Variants in CDK14 observed in about 807,000 individuals in gnomAD.
The protein encoded by CDK14 is cyclin dependent kinase 14, also known as cyclin-dependent kinase 14.
Under a neutral mutation model 60.7 loss-of-function variants are expected in CDK14, and 34 were observed. That is an observed-to-expected ratio of 0.56 (90% CI 0.43 to 0.75). The LOEUF is 0.75. Ranked by LOEUF, CDK14 falls within the 30% of genes least tolerant of loss-of-function variation. CDK14 has a pLI of 0.00. For synonymous variants in CDK14, 197 were observed against 203.7 expected (o/e 0.97, Z 0.28); for missense variants, 482 against 564.1 (o/e 0.85, Z 1.47).
intron 14 of CDK14, among the ~76,000 whole-genome samples, chr7:91,151,568 A>G (rs1439106775): frequency 6.6e-6 from 1 of 152,120 alleles, no homozygotes; most frequent in African/African-American, 2.4e-5. Context: ...TGATTTCTTA[A>G]CAATGCTATT....
At chr7:90,806,245 C>G (rs1399607338) in intron 5 of CDK14, among the ~76,000 whole-genome samples, 4 of 151,982 alleles carry the variant, frequency 2.6e-5, no homozygotes, top group Non-Finnish European at 5.9e-5. Context: ...ATAGATATGA[C>G]AGCAAAAACG....
chr7:90,955,229 GA>G (rs1258537883), intron 8 of CDK14, among the ~76,000 whole-genome samples: 2 of 152,092 alleles, frequency 1.3e-5, no homozygotes, highest in East Asian at 3.9e-4. Context: ...ATTCTTTGGG[GA>G]AAGTATTATA....
chr7:90,671,289 CTTTTTT>C (rs201022256), intron 2 of CDK14, among the ~76,000 whole-genome samples: 1 of 147,288 alleles, frequency 6.8e-6, no homozygotes. Context: ...CAGGAGATGA[CTTTTTT>C]TTTTTTCTTT....
At chr7:91,113,349 T>C (rs1275334915) in intron 13 of CDK14, among the ~76,000 whole-genome samples, 1 of 152,254 alleles carries the variant, frequency 6.6e-6, no homozygotes, top group Non-Finnish European at 1.5e-5. Context: ...TTAAAACACA[T>C]TCCTGGGTGG....
At chr7:91,082,785 A>T (rs915612410) in intron 12 of CDK14, among the ~76,000 whole-genome samples, 1 of 152,216 alleles carries the variant, frequency 6.6e-6, no homozygotes, top group Non-Finnish European at 1.5e-5. Context: ...TTAAAATAAT[A>T]TTCGGAGGAA....
chr7:90,772,483 G>A (rs958408901), intron 4 of CDK14, among the ~76,000 whole-genome samples: 11 of 152,164 alleles, frequency 7.2e-5, no homozygotes, highest in Non-Finnish European at 7.3e-5. Flanking sequence ...CTTGTGGGAG[G>A]CGATTGGATC....
At chr7:90,709,932 A>G (rs1390716828) in intron 2 of CDK14, 1 of 1,141,360 alleles carries the variant, frequency 8.8e-7, no homozygotes, top group African/African-American at 1.6e-5. Flanking sequence ...AGGTGAATCA[A>G]GCCTGAGGGA....
At chr7:91,074,265 G>A (rs1798233145) in intron 11 of CDK14, among the ~76,000 whole-genome samples, 1 of 152,142 alleles carries the variant, frequency 6.6e-6, no homozygotes, top group Non-Finnish European at 1.5e-5. Flanking sequence ...TCACTCCTCA[G>A]CAAATGCAAA....
At chr7:91,200,732 G>A (rs191108375) in intron 14 of CDK14, among the ~76,000 whole-genome samples, 19 of 152,170 alleles carry the variant, frequency 1.2e-4, no homozygotes, top group African/African-American at 4.3e-4. Flanking sequence ...CCCAAGTAAG[G>A]CCCATTTTGA....
In CDK14 at chr7:90,747,794, G is replaced by T; in HGVS notation, c.464+19G>T. ...AAAGCAAGTAAGTTCATTATTTTTGGAATATTTCACATGTACAGTGTATCT... is the reference window on the plus strand; with the variant it reads ...AAAGCAAGTAAGTTCATTATTTTTGTAATATTTCACATGTACAGTGTATCT... On this transcript the variant is annotated intron_variant, in intron 4 of 14. Transcript: ENST00000380050. The T allele has an allele frequency of 7.1e-7, 1 of 1,409,212 alleles. No homozygotes were observed. The highest frequency in any genetic ancestry group is 9.7e-7 in the Non-Finnish European group (1 of 1,033,582). 87.3% of individuals were successfully genotyped at this position (1,409,212 alleles called of 1,614,324 possible).
intron 5 of CDK14, among the ~76,000 whole-genome samples, chr7:90,840,091 T>C (rs1790241990): frequency 6.6e-6 from 1 of 152,200 alleles, no homozygotes; most frequent in Admixed American, 6.5e-5. Context: ...CTATTTTCCT[T>C]CTAAGAGGAC....
chr7:91,175,526 G>C (rs1310891521), intron 14 of CDK14, among the ~76,000 whole-genome samples: 4 of 152,050 alleles, frequency 2.6e-5, no homozygotes, highest in African/African-American at 9.7e-5. Context: ...ATTGAATAAA[G>C]AGTCAAGACC....
intron 2 of CDK14, among the ~76,000 whole-genome samples, chr7:90,707,334 A>G (rs1009215002): frequency 6.6e-6 from 1 of 152,140 alleles, no homozygotes; most frequent in African/African-American, 2.4e-5. Flanking sequence ...CTCAGCAGGT[A>G]ACCCATGGTG....
intron 2 of CDK14, among the ~76,000 whole-genome samples, chr7:90,720,464 C>T (rs551872561): frequency 1.0e-3 from 155 of 152,064 alleles, no homozygotes; most frequent in Non-Finnish European, 1.8e-3. Flanking sequence ...GCCAAGTGCC[C>T]ACATCTTTAA....
chr7:90,939,702 C>T (rs756148024), intron 8 of CDK14, among the ~76,000 whole-genome samples: 3 of 152,182 alleles, frequency 2.0e-5, no homozygotes, highest in Non-Finnish European at 4.4e-5. Context: ...ATTCTGCAAG[C>T]AAGTTTCCCT....
intron 14 of CDK14, among the ~76,000 whole-genome samples, chr7:91,126,444 C>T (rs1291426877): frequency 6.6e-6 from 1 of 152,146 alleles, no homozygotes; most frequent in African/African-American, 2.4e-5. Context: ...TCTTTCTTCA[C>T]TGTGGCAAGT....
intron 4 of CDK14, among the ~76,000 whole-genome samples, chr7:90,781,705 T>C (rs926357384): frequency 4.0e-5 from 6 of 151,522 alleles, no homozygotes; most frequent in African/African-American, 1.5e-4. Flanking sequence ...TTTCTCAGGT[T>C]TGTCAAAGAT....
chr7:91,044,177 T>C (rs1363413427), intron 10 of CDK14, among the ~76,000 whole-genome samples: 1 of 152,162 alleles, frequency 6.6e-6, no homozygotes, highest in African/African-American at 2.4e-5. Context: ...TAGCGAAACA[T>C]GCGACATCAA....
At chr7:90,879,839 G>A (rs979657330) in intron 6 of CDK14, among the ~76,000 whole-genome samples, 117 of 151,554 alleles carry the variant, frequency 7.7e-4, no homozygotes, top group African/African-American at 2.7e-3. Context: ...GAGCAGTGTG[G>A]TATGGTGGAC....
Sources: allele counts gnomAD v4.1 joint callset (sites outside exome capture counted in the v4.1 genomes callset), GRCh38; gene constraint gnomAD v4.1.1; transcripts MANE v1.5; gene names NCBI Gene and HGNC (gene_info 2026-07-23, HGNC 2026-07-21).